The following IL20 variants were observed in gnomAD, a reference collection of about 807,000 sequenced individuals.
IL20 encodes interleukin-20.
IL20 carries 22 observed loss-of-function variants against 19.2 expected under a neutral mutation model. That is an observed-to-expected ratio of 1.15 (90% CI 0.82 to 1.64). The LOEUF (loss-of-function observed/expected upper bound fraction) is 1.64, where lower values mean the gene tolerates loss of function less well. Ranked by LOEUF, IL20 falls within the 40% of genes most tolerant of loss-of-function variation. The pLI is 0.00. For synonymous variants in IL20, 70 were observed against 76.2 expected (o/e 0.92, Z 0.43); for missense variants, 215 against 212.8 (o/e 1.01, Z -0.06).
intron 5 of IL20, 134 bp from the exon 6 acceptor site, chr1:206,868,353 A>T: frequency 2.1e-6 from 1 of 467,998 alleles, no homozygotes; most frequent in African/African-American, 2.0e-5. Flanking sequence ...AGATTCTATA[A>T]CTTCTTTAAG....
upstream of IL20, among the ~76,000 whole-genome samples, chr1:206,863,724 G>A (rs1026416885): frequency 1.3e-5 from 2 of 152,036 alleles, no homozygotes; most frequent in Admixed American, 6.6e-5. Context: ...TTTCCACGAG[G>A]ACAAAATCTC....
At position 206,865,752 on chromosome 1, in the gene IL20, C is replaced by A. The variant is rs1000558800; in HGVS notation, c.-31+66C>A. 6.6e-6 allele frequency: 10 copies of A among 1,522,420 alleles called. No homozygotes were observed. In the Admixed American group the frequency reaches 7.9e-5, roughly 12 times the overall value. The allele number at this position is 1,522,420 out of a possible 1,614,324, so 94.3% of individuals were successfully genotyped here. On this transcript the variant is annotated intron_variant, in intron 1 of 5. Coordinates refer to ENST00000367098, the MANE Select transcript of IL20 (RefSeq NM_018724.4). This position sits in a 1 kb window ranked among gnomAD's most constrained non-coding sequence, Gnocchi z 4.1. ...AGGCTGTTCTCTTCCCCTGACCCCC[C>A]ACCCCTCACCCCGTGGACACTTGGA...
At position 206,865,634 on chromosome 1, in the gene IL20, C is replaced by G; in HGVS notation, c.-83C>G. The G allele has an allele frequency of 1.5e-6, 2 of 1,355,930 alleles. No individual in the cohort carries two copies. The highest frequency in any genetic ancestry group is 2.7e-5 in the East Asian group (1 of 36,632). 84.0% of individuals were successfully genotyped at this position (1,355,930 alleles called of 1,614,324 possible). ...TGTGCCACCAACTCGCACTCAGACTCTGAACTCAGACCTGAAATCTTCTCT... is the reference window on the plus strand; with the variant it reads ...TGTGCCACCAACTCGCACTCAGACTGTGAACTCAGACCTGAAATCTTCTCT... On this transcript the variant is annotated 5_prime_UTR_variant, in exon 1 of 6. Transcript: ENST00000367098. This position sits in a 1 kb window ranked among gnomAD's most constrained non-coding sequence, Gnocchi z 4.1.
chr1:206,868,356 T>A, intron 5 of IL20, 131 bp from the exon 6 acceptor site: 1 of 476,618 alleles, frequency 2.1e-6, no homozygotes, highest in East Asian at 3.5e-5. Context: ...TTCTATAACT[T>A]CTTTAAGTGC....
chr1:206,865,777 A>G lies in IL20; in HGVS notation c.-30-46A>G. The G allele has an allele frequency of 6.6e-7, 1 of 1,506,958 alleles. No homozygotes were observed. The highest frequency in any genetic ancestry group is 1.2e-5 in the South Asian group (1 of 83,298). The allele number at this position is 1,506,958 out of a possible 1,614,324, so 93.3% of individuals were successfully genotyped here. ...CACCCCTCACCCCGTGGACACTTGG[A>G]GGAGGGGAAACTCAGTAAGTCATGC... On this transcript the variant is annotated intron_variant, in intron 1 of 5. Coordinates refer to ENST00000367098, the MANE Select transcript of IL20 (RefSeq NM_018724.4). This position sits in a 1 kb window ranked among gnomAD's most constrained non-coding sequence, Gnocchi z 4.1.
intron 5 of IL20, among the ~76,000 whole-genome samples, chr1:206,868,276 C>A (rs1220668851): frequency 6.6e-6 from 1 of 152,118 alleles, no homozygotes; most frequent in African/African-American, 2.4e-5. Flanking sequence ...CCCCCTTGCA[C>A]CTCAGTTTCT....
intron 4 of IL20, 29 bp downstream of exon 4, chr1:206,866,665 C>T: frequency 6.2e-7 from 1 of 1,604,416 alleles, no homozygotes. Context: ...TGACAGGATG[C>T]ATCTCAGCAC....
chr1:206,868,434 G>C (rs1677622138), intron 5 of IL20, 53 bp from the exon 6 acceptor site: 5 of 1,371,960 alleles, frequency 3.6e-6, no homozygotes, highest in Non-Finnish European at 5.0e-6. Flanking sequence ...ATAGGTCCTG[G>C]AGCAAATGCT....
chr1:206,866,949 C>T (rs962618366), intron 4 of IL20, among the ~76,000 whole-genome samples: 2 of 152,130 alleles, frequency 1.3e-5, no homozygotes, highest in Non-Finnish European at 1.5e-5. Flanking sequence ...TATATTAGTG[C>T]GTCCTCTGTC....
rs773968272 is a variant in IL20 at position 206,865,871 on chromosome 1, GC to G, written c.21del (p.Phe8SerfsTer18). 8.1e-6 allele frequency: 13 copies of G among 1,613,810 alleles called. No homozygotes were observed. In the African/African-American group the frequency reaches 1.5e-4, roughly 18 times the overall value. On this transcript the variant is annotated frameshift_variant, in exon 2 of 6. Coordinates refer to ENST00000367098, the MANE Select transcript of IL20 (RefSeq NM_018724.4). LOFTEE classifies it high-confidence loss of function. This position sits in a 1 kb window ranked among gnomAD's most constrained non-coding sequence, Gnocchi z 4.1. The stretch of plus-strand genomic sequence containing the variant: ...GCCTAAGATGAAAGCCTCTAGTCTT[GC>G]CTTCAGCCTTCTCTCTGCTGCGTTT... MKASSL[A>X]FSLLSAAFYL...
upstream of IL20, among the ~76,000 whole-genome samples, chr1:206,864,584 A>G (rs1677495426): frequency 5.3e-5 from 8 of 151,826 alleles, no homozygotes; most frequent in South Asian, 1.7e-3. Context: ...TTATAATTTT[A>G]CTGTCCTGGT....
At position 206,866,473 on chromosome 1, in the gene IL20, G is replaced by T. The variant is rs1183622547; in HGVS notation, c.226-11G>T. On this transcript the variant is annotated splice_polypyrimidine_tract_variant and intron_variant, in intron 3 of 5. Coordinates refer to ENST00000367098, the MANE Select transcript of IL20 (RefSeq NM_018724.4). ...CTTTCCCCTCACCAATATACCTGTG[G>T]TTTTTTGCAGCCTGCGAATCGATGC... is the stretch of plus-strand genomic sequence containing the variant. The T allele has an allele frequency of 5.0e-6, 8 of 1,614,036 alleles. No individual in the cohort carries two copies. The highest frequency in any genetic ancestry group is 1.1e-5 in the South Asian group (1 of 91,044).
intron 5 of IL20, among the ~76,000 whole-genome samples, 178 bp downstream of exon 5, chr1:206,867,636 T>C (rs1677596747): frequency 6.6e-6 from 1 of 152,036 alleles, no homozygotes; most frequent in Non-Finnish European, 1.5e-5. Context: ...TCTAGAGGAG[T>C]ACCCTCTCTG....
At chr1:206,866,391 G>T (rs1448092332) in intron 3 of IL20, 27 bp downstream of exon 3, 1 of 1,613,402 alleles carries the variant, frequency 6.2e-7, no homozygotes, top group African/African-American at 1.3e-5. Flanking sequence ...GACAAACTCT[G>T]GGAGGAGGAG....
At chr1:206,867,287 G>C (rs912267351) in intron 4 of IL20, 97 bp from the exon 5 acceptor site, 14 of 979,974 alleles carry the variant, frequency 1.4e-5, no homozygotes, top group Non-Finnish European at 1.9e-5. Context: ...GCATCCTCAG[G>C]GTTGTGGGTG....
Position 206,865,792 on chromosome 1 carries a change from G to T in IL20, c.-30-31G>T. 1 of 1,587,828 alleles carries T rather than the reference G, an allele frequency of 6.3e-7. No individual in the cohort carries two copies. The highest frequency in any genetic ancestry group is 8.6e-7 in the Non-Finnish European group (1 of 1,165,310). ...GGACACTTGGAGGAGGGGAAACTCA[G>T]TAAGTCATGCTCTCTTCTTTGAATT... is the stretch of plus-strand genomic sequence containing the variant. On this transcript the variant is annotated intron_variant, in intron 1 of 5. Transcript: ENST00000367098. This position sits in a 1 kb window ranked among gnomAD's most constrained non-coding sequence, Gnocchi z 4.1.
At chr1:206,867,970 T>C (rs1037027509) in intron 5 of IL20, among the ~76,000 whole-genome samples, 3 of 152,102 alleles carry the variant, frequency 2.0e-5, no homozygotes, top group Admixed American at 2.0e-4. Context: ...TCCCACATCA[T>C]CTTGTAGGAA....
Position 206,865,732 on chromosome 1 carries a change from G to A in IL20, c.-31+46G>A, listed in dbSNP as rs1005344628. ...ACACTGTCTGAGGCCAGATAAGGCT[G>A]TTCTCTTCCCCTGACCCCCCACCCC... On this transcript the variant is annotated intron_variant, in intron 1 of 5. Coordinates refer to ENST00000367098, the MANE Select transcript of IL20 (RefSeq NM_018724.4). This position sits in a 1 kb window ranked among gnomAD's most constrained non-coding sequence, Gnocchi z 4.1. The A allele has an allele frequency of 4.1e-6, 6 of 1,478,254 alleles. No individual in the cohort carries two copies. In the Admixed American group the frequency reaches 1.2e-4, roughly 30 times the overall value. 91.6% of individuals were successfully genotyped at this position (1,478,254 alleles called of 1,614,324 possible).
upstream of IL20, among the ~76,000 whole-genome samples, chr1:206,864,337 A>G (rs1420368613): frequency 6.6e-6 from 1 of 152,174 alleles, no homozygotes; most frequent in African/African-American, 2.4e-5. Flanking sequence ...GGAAAAATTC[A>G]GTAAGTGATA....
Sources: gnomAD v4.1 joint callset for allele counts (sites outside exome capture counted in the v4.1 genomes callset) on GRCh38, gnomAD v4.1.1 for gene constraint, Gnocchi (gnomAD v3.1) non-coding constraint, MANE v1.5 for transcripts, NCBI Gene and HGNC (gene_info 2026-07-23, HGNC 2026-07-21) for gene names.